Variants in ESRRB observed in about 807,000 individuals in gnomAD.
ESRRB encodes steroid hormone receptor ERR2.
In ESRRB, 16 loss-of-function variants were observed where a neutral mutation model predicts 46.0. That is an observed-to-expected ratio of 0.35 (90% CI 0.24 to 0.53). The LOEUF is 0.53. Ranked by LOEUF, ESRRB falls within the 20% of genes least tolerant of loss-of-function variation. ESRRB has a pLI of 0.93. For synonymous variants in ESRRB, 246 were observed against 259.6 expected (o/e 0.95, Z 0.50); for missense variants, 488 against 607.4 (o/e 0.80, Z 2.07).
chr14:76,479,154 A>G lies in ESRRB; in HGVS notation c.578-2862A>G, dbSNP rs149019678. ...TGATGGTGATGATGCTGGCCTGCAG[A>G]CCACACTTGAGGAGGAAGACAGCGG... is the stretch of plus-strand genomic sequence containing the variant. On this transcript the variant is annotated intron_variant, in intron 3 of 6. Transcript: ENST00000644823. Among the ~76,000 whole-genome samples, 685 of 152,296 alleles carry G rather than the reference A, an allele frequency of 4.5e-3. 2 individuals carry two copies. Among genetic ancestry groups the G allele is most frequent in the Non-Finnish European group, 6.6e-3 (451 of 68,018 alleles).
chr14:76,400,668 G>T (rs182289087), intron 1 of ESRRB, among the ~76,000 whole-genome samples: 16 of 152,170 alleles, frequency 1.1e-4, no homozygotes, highest in African/African-American at 3.6e-4. Flanking sequence ...GGAACCACTG[G>T]CCTAGAACCC....
intron 6 of ESRRB, among the ~76,000 whole-genome samples, chr14:76,493,265 G>T (rs538376635): frequency 1.3e-5 from 2 of 151,960 alleles, no homozygotes; most frequent in African/African-American, 2.4e-5. Flanking sequence ...AGCGATTCTC[G>T]TGTCTCAGCC....
intron 1 of ESRRB, among the ~76,000 whole-genome samples, chr14:76,412,661 T>C (rs1255319367): frequency 2.0e-5 from 3 of 152,222 alleles, no homozygotes; most frequent in Non-Finnish European, 4.4e-5. Flanking sequence ...TACTATAAAA[T>C]CCAGAATTAT....
intron 1 of ESRRB, among the ~76,000 whole-genome samples, chr14:76,405,290 T>C (rs1886132907): frequency 1.3e-5 from 2 of 152,004 alleles, no homozygotes. Context: ...TAATTTTTTT[T>C]TTGTAGAGAC....
In ESRRB at chr14:76,363,532, G is replaced by A. The variant is rs1191391089; in HGVS notation, c.2+52616G>A. Among the ~76,000 whole-genome samples, 5 of 152,288 alleles carry A rather than the reference G, an allele frequency of 3.3e-5. No homozygotes were observed. The East Asian group carries it at 5.8e-4, about 18-fold the overall frequency. Reference sequence around the variant, plus strand: ...AAAATCAATTGGTTTCTTCCCCAATGTTATATTCCTTTTCTCATTTTCTCC... The same window carrying A: ...AAAATCAATTGGTTTCTTCCCCAATATTATATTCCTTTTCTCATTTTCTCC... On this transcript the variant is annotated intron_variant, in intron 1 of 6. Coordinates refer to the ESRRB transcript ENST00000512784.
chr14:76,313,469 G>A (rs1455217272), intron 1 of ESRRB, among the ~76,000 whole-genome samples: 1 of 152,024 alleles, frequency 6.6e-6, no homozygotes, highest in African/African-American at 2.4e-5. Flanking sequence ...TTGTTTTATG[G>A]GTTCCCCCCA....
At position 76,347,781 on chromosome 14, in the gene ESRRB, C is replaced by G. The variant is rs1229196884; in HGVS notation, c.2+36865C>G. The stretch of plus-strand genomic sequence containing the variant: ...CTTGAGGTCAAGGACTCTGAGCAAA[C>G]AGTTCAGGAGACTCCTCACCCCACT... On this transcript the variant is annotated intron_variant, in intron 1 of 6. Transcript: ENST00000512784. Among the ~76,000 whole-genome samples the G allele has an allele frequency of 1.1e-4, 4 of 37,948 alleles. 2 individuals carry two copies. Among genetic ancestry groups the G allele is most frequent in the African/African-American group, 3.4e-4 (4 of 11,662 alleles). 24.9% of individuals were successfully genotyped at this position (37,948 alleles called of 152,430 possible).
intron 1 of ESRRB, among the ~76,000 whole-genome samples, chr14:76,379,793 A>G (rs1385115184): frequency 6.7e-6 from 1 of 148,166 alleles, no homozygotes; most frequent in Non-Finnish European, 1.5e-5. Context: ...ACTTCCCCCA[A>G]CCCTTTTCAT....
chr14:76,361,319 G>A (rs899693400), intron 1 of ESRRB, among the ~76,000 whole-genome samples: 1 of 152,170 alleles, frequency 6.6e-6, no homozygotes, highest in Non-Finnish European at 1.5e-5. Flanking sequence ...GGGATGTAAA[G>A]GGGACCCCAA....
intron 1 of ESRRB, among the ~76,000 whole-genome samples, chr14:76,413,135 T>C (rs1418282716): frequency 6.6e-6 from 1 of 152,194 alleles, no homozygotes; most frequent in East Asian, 1.9e-4. Flanking sequence ...AGGAGAGGAC[T>C]GTGCAGGCAG....
At chr14:76,339,676 G>C (rs554209412) in intron 1 of ESRRB, among the ~76,000 whole-genome samples, 1 of 152,156 alleles carries the variant, frequency 6.6e-6, no homozygotes, top group African/African-American at 2.4e-5. Context: ...GGCCAGACTC[G>C]CCTTGGTCTG....
At chr14:76,385,645 T>C (rs1175852651) in intron 1 of ESRRB, among the ~76,000 whole-genome samples, 1 of 152,222 alleles carries the variant, frequency 6.6e-6, no homozygotes, top group African/African-American at 2.4e-5. Flanking sequence ...ACGGGGTTCC[T>C]ACCCACTGCT....
intron 2 of ESRRB, among the ~76,000 whole-genome samples, chr14:76,448,727 CCAAA>C (rs1216943495): frequency 1.3e-5 from 2 of 152,042 alleles, no homozygotes; most frequent in Non-Finnish European, 2.9e-5. Context: ...AATGCAATCC[CCAAA>C]CAAAGTGATC....
chr14:76,377,630 G>T (rs34442172), intron 1 of ESRRB, among the ~76,000 whole-genome samples: 2,024 of 152,158 alleles, frequency 0.013, 24 homozygotes, highest in Non-Finnish European at 0.023. Context: ...CGTTTCTCCA[G>T]TTCCACCGTG....
chr14:76,419,423 A>C (rs1458953699), intron 1 of ESRRB, among the ~76,000 whole-genome samples: 1 of 152,162 alleles, frequency 6.6e-6, no homozygotes, highest in African/African-American at 2.4e-5. Context: ...AGTGACATTG[A>C]ACAAGGAAAT....
chr14:76,478,015 C>T (rs567708393), intron 3 of ESRRB, among the ~76,000 whole-genome samples: 14 of 152,226 alleles, frequency 9.2e-5, no homozygotes, highest in African/African-American at 3.4e-4. Flanking sequence ...TACAGAGAGT[C>T]CTTTACAAAT....
chr14:76,392,157 G>A (rs1243638382), intron 1 of ESRRB, among the ~76,000 whole-genome samples: 1 of 152,220 alleles, frequency 6.6e-6, no homozygotes, highest in African/African-American at 2.4e-5. Context: ...GCGCTGCCCT[G>A]GCTGCTGATA....
intron 1 of ESRRB, among the ~76,000 whole-genome samples, chr14:76,312,706 G>T (rs56859230): frequency 0.15 from 22,776 of 151,762 alleles, 1,823 homozygotes; most frequent in Admixed American, 0.17. Context: ...TCCTGCTAAG[G>T]TTTTTTCACC....
intron 1 of ESRRB, among the ~76,000 whole-genome samples, chr14:76,364,547 C>T (rs776761558): frequency 7.2e-5 from 11 of 152,024 alleles, no homozygotes; most frequent in South Asian, 2.1e-4. Context: ...CAAAAATTAG[C>T]GAGGTGTGGT....
Sources: allele counts gnomAD v4.1 joint callset (sites outside exome capture counted in the v4.1 genomes callset), GRCh38; gene constraint gnomAD v4.1.1; transcripts MANE v1.5; gene names NCBI Gene and HGNC (gene_info 2026-07-23, HGNC 2026-07-21).